ZBBX: variants seen among roughly 807,000 people sequenced by gnomAD.
ZBBX encodes the protein zinc finger B-box domain-containing protein 1.
ZBBX carries 101 observed loss-of-function variants against 108.5 expected under a neutral mutation model. The ratio of observed to expected loss-of-function variants is 0.93; its 90% CI spans 0.79 to 1.10. The LOEUF is 1.10. ZBBX is among the 50% of genes least tolerant of loss of function. The pLI is 0.00. For synonymous variants in ZBBX, 356 were observed against 323.4 expected (o/e 1.10, Z -1.08); for missense variants, 1,009 against 941.4 (o/e 1.07, Z -0.94).
rs368379887 is a variant in ZBBX at position 167,359,888 on chromosome 3, C to G, written c.414G>C (p.Glu138Asp). 10 of 1,546,872 alleles carry G rather than the reference C, an allele frequency of 6.5e-6. No homozygotes were observed. The African/African-American group carries it at 1.4e-4, about 21-fold the overall frequency. The change falls in exon 8 of 22, where the codon GAG (glutamate) becomes GAC (aspartate). Residue 138 changes from glutamate to aspartate, a missense_variant. Glu to Asp is a conservative substitution (Grantham distance 45). Transcript: ENST00000675490. ...KINGKVCGQC[E>D]NKAALLVCLE... ...TACATACCAGTAGAGCAGCTTTGTT[C>G]TCACACTGTCCACATACTTTCCCAT...
intron 16 of ZBBX, among the ~76,000 whole-genome samples, chr3:167,308,307 T>A (rs1056541792): frequency 6.6e-6 from 1 of 151,894 alleles, no homozygotes; most frequent in Non-Finnish European, 1.5e-5. Flanking sequence ...GTAAAAAAAA[T>A]AACAGATGCT....
chr3:167,241,066 A>T (rs112325073), intron 21 of ZBBX, 147 bp from the exon 22 acceptor site: 28,588 of 762,550 alleles, frequency 0.037, 692 homozygotes, highest in Non-Finnish European at 0.047. Context: ...ATAATTTTCA[A>T]TGTGCCCAAT....
the ZBBX span, among the ~76,000 whole-genome samples, chr3:167,219,651 A>AT: frequency 6.6e-6 from 1 of 151,968 alleles, no homozygotes; most frequent in South Asian, 2.1e-4. Context: ...GTTTATAGCT[A>AT]TAAGTGTCTA....
the ZBBX span, among the ~76,000 whole-genome samples, chr3:167,201,071 C>T: frequency 6.6e-6 from 1 of 152,078 alleles, no homozygotes; most frequent in Non-Finnish European, 1.5e-5. Flanking sequence ...TTCAAAATCC[C>T]CTGTATGTTG....
At chr3:167,358,551 A>G (rs1743969380) in intron 8 of ZBBX, among the ~76,000 whole-genome samples, 1 of 152,132 alleles carries the variant, frequency 6.6e-6, no homozygotes. Context: ...AATTTTTTAA[A>G]TGTTCATGAA....
chr3:167,399,811 G>A (rs1160772778), intron 1 of ZBBX, among the ~76,000 whole-genome samples: 1 of 152,030 alleles, frequency 6.6e-6, no homozygotes, highest in Non-Finnish European at 1.5e-5. Context: ...TATCACCCAG[G>A]TAGTGAACAT....
intron 7 of ZBBX, 91 bp downstream of exon 7, chr3:167,360,584 G>C (rs1207323120): frequency 1.4e-6 from 1 of 739,752 alleles, no homozygotes; most frequent in African/African-American, 1.8e-5. Flanking sequence ...ATACTGCCCG[G>C]ACAATTCTAA....
intron 16 of ZBBX, among the ~76,000 whole-genome samples, chr3:167,310,017 C>T (rs543107175): frequency 9.3e-4 from 141 of 152,290 alleles, no homozygotes; most frequent in Non-Finnish European, 1.6e-3. Flanking sequence ...CAGGTCACAT[C>T]TTGAATGCTT....
chr3:167,406,454 C>A (rs1389024170), intron 1 of ZBBX, among the ~76,000 whole-genome samples: 1 of 152,110 alleles, frequency 6.6e-6, no homozygotes, highest in Non-Finnish European at 1.5e-5. Context: ...GGTACAGTGG[C>A]TCATCCCTGT....
At chr3:167,271,211 C>T (rs1033148918) in intron 20 of ZBBX, among the ~76,000 whole-genome samples, 1 of 152,104 alleles carries the variant, frequency 6.6e-6, no homozygotes, top group African/African-American at 2.4e-5. Context: ...TAAACAAGGT[C>T]TTATTAATAG....
the ZBBX span, among the ~76,000 whole-genome samples, chr3:167,178,518 C>T: frequency 2.0e-5 from 3 of 152,048 alleles, no homozygotes; most frequent in Admixed American, 2.0e-4. Context: ...CAGTTGGGGT[C>T]CTCCTCAGCA....
intron 1 of ZBBX, among the ~76,000 whole-genome samples, chr3:167,386,464 T>C (rs1256570804): frequency 6.6e-6 from 1 of 152,050 alleles, no homozygotes; most frequent in Non-Finnish European, 1.5e-5. Flanking sequence ...TAAACAGCAG[T>C]AGAGCGTTGA....
In ZBBX at chr3:167,368,975, G is replaced by A. The variant is rs1185608440; in HGVS notation, c.69-401C>T. Among the ~76,000 whole-genome samples the A allele has an allele frequency of 7.2e-5, 11 of 152,162 alleles. No homozygotes were observed. The East Asian group carries it at 7.7e-4, about 11-fold the overall frequency. ...AAGCACAGTATTTAAAACAATAGAC[G>A]AAATATACATTTTTGCTGAACTGGT... On this transcript the variant is annotated intron_variant, in intron 4 of 21. Transcript: ENST00000675490.
At chr3:167,244,217 T>C (rs1370894570) in intron 20 of ZBBX, among the ~76,000 whole-genome samples, 1 of 152,156 alleles carries the variant, frequency 6.6e-6, no homozygotes, top group Non-Finnish European at 1.5e-5. Context: ...TGTAAATCAC[T>C]CTGTTCCAGA....
intron 1 of ZBBX, among the ~76,000 whole-genome samples, chr3:167,402,227 A>C (rs973299337): frequency 5.9e-5 from 9 of 152,218 alleles, no homozygotes; most frequent in Non-Finnish European, 1.2e-4. Context: ...AAATCATTCA[A>C]TCTGCTGCAT....
chr3:167,202,465 T>C, the ZBBX span, among the ~76,000 whole-genome samples: 2 of 150,328 alleles, frequency 1.3e-5, no homozygotes, highest in African/African-American at 4.9e-5. Flanking sequence ...TAATGGTCTA[T>C]GAAATTCTAT....
intron 20 of ZBBX, among the ~76,000 whole-genome samples, chr3:167,249,802 T>C (rs180922371): frequency 1.4e-4 from 22 of 152,272 alleles, no homozygotes; most frequent in African/African-American, 5.1e-4. Context: ...CTTTCTTTCA[T>C]ATATAGCGTC....
At chr3:167,390,478 T>A (rs1203532238) in intron 1 of ZBBX, among the ~76,000 whole-genome samples, 1 of 152,084 alleles carries the variant, frequency 6.6e-6, no homozygotes, top group Non-Finnish European at 1.5e-5. Context: ...TCTTTTTTGG[T>A]TCCATATGAA....
intron 9 of ZBBX, among the ~76,000 whole-genome samples, chr3:167,339,499 G>C (rs1220844548): frequency 6.6e-6 from 1 of 152,076 alleles, no homozygotes; most frequent in African/African-American, 2.4e-5. Context: ...AAGTCCTCAA[G>C]AAGTATGCAT....
Sources: gnomAD v4.1 joint callset for allele counts (sites outside exome capture counted in the v4.1 genomes callset) on GRCh38, gnomAD v4.1.1 for gene constraint, MANE v1.5 for transcripts, NCBI Gene and HGNC (gene_info 2026-07-23, HGNC 2026-07-21) for gene names.